ROBO2: variants seen among roughly 807,000 people sequenced by gnomAD.
ROBO2 encodes roundabout guidance receptor 2, also known as roundabout homolog 2.
Under a neutral mutation model 160.8 loss-of-function variants are expected in ROBO2, and 53 were observed. The observed-to-expected ratio is 0.33, with a 90% CI of 0.26 to 0.41. The LOEUF (loss-of-function observed/expected upper bound fraction) is 0.41. Among genes scored for constraint, ROBO2 ranks in the 10% least tolerant of loss-of-function variants. The pLI is 1.00. For missense variants in ROBO2, 1,577 were observed against 1,722.4 expected (o/e 0.92, Z 1.49); for synonymous variants, 664 against 611.7 (o/e 1.09, Z -1.26).
chr3:77,579,940 T>C lies in ROBO2; in HGVS notation c.2329-7T>C. The C allele has an allele frequency of 6.2e-7, 1 of 1,612,800 alleles. No individual in the cohort carries two copies. Among genetic ancestry groups the C allele is most frequent in the South Asian group, 1.1e-5 (1 of 91,072 alleles). Reference sequence around the variant, plus strand: ...ATCCATGTGTTATTCACTTTCCATTTCTGTAGATCTGGTGTCTAGGAAATG... The same window carrying C: ...ATCCATGTGTTATTCACTTTCCATTCCTGTAGATCTGGTGTCTAGGAAATG... On this transcript the variant is annotated splice_polypyrimidine_tract_variant and splice_region_variant and intron_variant, in intron 15 of 25. Transcript: ENST00000461745.
At chr3:76,673,818 A>G (rs1237192206) in intron 2 of ROBO2, among the ~76,000 whole-genome samples, 2 of 152,188 alleles carry the variant, frequency 1.3e-5, no homozygotes, top group African/African-American at 2.4e-5. Flanking sequence ...ATTTATTATA[A>G]GTAATTCCTT....
chr3:77,466,645 G>A (rs753302734), intron 2 of ROBO2, among the ~76,000 whole-genome samples: 1 of 152,162 alleles, frequency 6.6e-6, no homozygotes, highest in Non-Finnish European at 1.5e-5. Flanking sequence ...TTCGGGTAGA[G>A]GGGAAAGAAA....
chr3:76,580,967 T>C (rs1285711910), intron 2 of ROBO2, among the ~76,000 whole-genome samples: 2 of 152,184 alleles, frequency 1.3e-5, no homozygotes, highest in African/African-American at 4.8e-5. Context: ...AGAACAGTAG[T>C]TCTGATGATC....
intron 2 of ROBO2, among the ~76,000 whole-genome samples, chr3:76,472,798 G>A (rs1439886614): frequency 6.6e-6 from 1 of 152,174 alleles, no homozygotes; most frequent in Non-Finnish European, 1.5e-5. Context: ...GCAAAATAGA[G>A]CTGGGCTACC....
chr3:76,265,303 A>G (rs1707030786), intron 2 of ROBO2, among the ~76,000 whole-genome samples: 1 of 152,144 alleles, frequency 6.6e-6, no homozygotes, highest in Non-Finnish European at 1.5e-5. Flanking sequence ...GCCTTTCCTA[A>G]TCGATCTACT....
At chr3:77,511,243 G>A (rs2089352422) in intron 5 of ROBO2, among the ~76,000 whole-genome samples, 1 of 152,004 alleles carries the variant, frequency 6.6e-6, no homozygotes, top group Admixed American at 6.6e-5. Context: ...CCATGGGAAT[G>A]TAAGATGGGA....
At chr3:76,594,925 A>C (rs567542111) in intron 2 of ROBO2, among the ~76,000 whole-genome samples, 2 of 152,074 alleles carry the variant, frequency 1.3e-5, no homozygotes, top group South Asian at 2.1e-4. Flanking sequence ...GTTCCCCCCA[A>C]AACTAATGTA....
intron 2 of ROBO2, among the ~76,000 whole-genome samples, chr3:76,625,765 G>A (rs560147322): frequency 9.2e-5 from 14 of 152,270 alleles, no homozygotes; most frequent in African/African-American, 3.1e-4. Flanking sequence ...CGTTGTGGGG[G>A]AAAAGGGAGT....
At chr3:76,111,434 T>A (rs962015124) in intron 2 of ROBO2, among the ~76,000 whole-genome samples, 2 of 152,000 alleles carry the variant, frequency 1.3e-5, no homozygotes, top group African/African-American at 4.8e-5. Context: ...TTCTCCCATA[T>A]TAAGCCACCT....
Position 77,180,416 on chromosome 3 carries a change from C to CTCTCTCTCTCTATATATATA in ROBO2, c.388+82077_388+82078insCTCTCTCTCTATATATATAT, listed in dbSNP as rs1433740534. Among the ~76,000 whole-genome samples, 467 of 90,596 alleles carry CTCTCTCTCTCTATATATATA rather than the reference C, an allele frequency of 5.2e-3. 6 individuals carry two copies. Among genetic ancestry groups the CTCTCTCTCTCTATATATATA allele is most frequent in the Non-Finnish European group, 7.4e-3 (323 of 43,818 alleles). 59.4% of individuals were successfully genotyped at this position (90,596 alleles called of 152,430 possible). A position where few individuals can be genotyped will look rare whatever the true frequency, so the allele number is the denominator to read the frequency against. On this transcript the variant is annotated intron_variant, in intron 2 of 25. Coordinates refer to ENST00000461745, the Ensembl canonical transcript of ROBO2. ...TCTCTCTCTCTCTCTCTCTCTCTCT[C>CTCTCTCTCTCTATATATATA]TATATATATATATATGTATTTTTTT...
At chr3:76,183,015 A>AT (rs1215470881) in intron 2 of ROBO2, among the ~76,000 whole-genome samples, 2 of 152,080 alleles carry the variant, frequency 1.3e-5, no homozygotes, top group East Asian at 3.9e-4. Flanking sequence ...ATGTTGGGTG[A>AT]TTTTTCTGTT....
At chr3:77,302,717 C>T (rs1404020703) in intron 2 of ROBO2, among the ~76,000 whole-genome samples, 1 of 152,034 alleles carries the variant, frequency 6.6e-6, no homozygotes, top group Non-Finnish European at 1.5e-5. Flanking sequence ...CAATAAATAT[C>T]CTCTAAATGA....
intron 2 of ROBO2, among the ~76,000 whole-genome samples, chr3:77,113,884 A>G (rs12714457): frequency 0.14 from 20,843 of 152,204 alleles, 1,828 homozygotes; most frequent in Non-Finnish European, 0.19. Context: ...GTCATGATAG[A>G]GCTATACATG....
chr3:77,384,158 G>T (rs546907290), intron 2 of ROBO2, among the ~76,000 whole-genome samples: 31 of 152,118 alleles, frequency 2.0e-4, no homozygotes, highest in Admixed American at 5.2e-4. Flanking sequence ...GTGATGTTTG[G>T]GTGGAGACTA....
Position 76,633,072 on chromosome 3 carries a change from T to C in ROBO2, c.110-464942T>C, listed in dbSNP as rs543666096. On this transcript the variant is annotated intron_variant, in intron 2 of 26. Transcript: ENST00000487694. ...TTTACAGGATTATTGTAATTCTAATTAAACCCATACTTTCAAAGTAAGAAT... is the reference window on the plus strand; with the variant it reads ...TTTACAGGATTATTGTAATTCTAATCAAACCCATACTTTCAAAGTAAGAAT... Among the ~76,000 whole-genome samples the C allele has an allele frequency of 7.2e-5, 11 of 152,322 alleles. No individual in the cohort carries two copies. The East Asian group carries it at 2.1e-3, about 29-fold the overall frequency.
At chr3:76,951,492 A>T (rs1398593303) in intron 2 of ROBO2, among the ~76,000 whole-genome samples, 2 of 152,214 alleles carry the variant, frequency 1.3e-5, no homozygotes, top group African/African-American at 4.8e-5. Context: ...AATGTAACAA[A>T]AGTGAACTCA....
intron 2 of ROBO2, among the ~76,000 whole-genome samples, chr3:76,951,254 C>T (rs1163450449): frequency 1.3e-5 from 2 of 152,284 alleles, no homozygotes; most frequent in East Asian, 1.9e-4. Context: ...ATGTTTGCTC[C>T]TAGAATTTGT....
chr3:76,761,578 A>G (rs562715236), intron 2 of ROBO2, among the ~76,000 whole-genome samples: 110 of 151,876 alleles, frequency 7.2e-4, no homozygotes, highest in Middle Eastern at 3.4e-3. Context: ...CAATTTAAAT[A>G]TTATATACTG....
chr3:77,441,397 A>G (rs1431456948), intron 2 of ROBO2, among the ~76,000 whole-genome samples: 1 of 151,982 alleles, frequency 6.6e-6, no homozygotes, highest in African/African-American at 2.4e-5. Flanking sequence ...ACACACATAT[A>G]CCTATGCTGT....
Sources: gnomAD v4.1 joint callset for allele counts (sites outside exome capture counted in the v4.1 genomes callset) on GRCh38, gnomAD v4.1.1 for gene constraint, MANE v1.5 for transcripts, NCBI Gene and HGNC (gene_info 2026-07-23, HGNC 2026-07-21) for gene names.